PCDHA3: variants seen among roughly 807,000 people sequenced by gnomAD.
PCDHA3 encodes the protein protocadherin alpha 3.
A neutral mutation model predicts 62.2 loss-of-function variants in PCDHA3; 41 were observed. That is an observed-to-expected ratio of 0.66 (90% CI 0.51 to 0.86). PCDHA3 has a LOEUF of 0.86. Ranked by LOEUF, PCDHA3 falls within the 40% of genes least tolerant of loss-of-function variation. The probability of loss-of-function intolerance (pLI) is 0.00; values close to 1 mark genes in which losing one functional copy is unlikely to be tolerated. For synonymous variants in PCDHA3, 640 were observed against 555.4 expected (o/e 1.15, Z -2.14); for missense variants, 1,304 against 1,241.2 (o/e 1.05, Z -0.76).
chr5:140,869,677 C>T, intron 1 of PCDHA3: 1 of 1,613,420 alleles, frequency 6.2e-7, no homozygotes, highest in Non-Finnish European at 8.5e-7. Flanking sequence ...GATTAAAAGA[C>T]TGTCACTTAT....
At chr5:140,920,329 G>A (rs556077448) in intron 1 of PCDHA3, among the ~76,000 whole-genome samples, 8 of 152,080 alleles carry the variant, frequency 5.3e-5, no homozygotes, top group South Asian at 4.2e-4. Flanking sequence ...TATATTTATG[G>A]CATTTCTTAT....
chr5:140,865,755 A>C (rs1390578535), intron 1 of PCDHA3: 1 of 152,226 alleles, frequency 6.6e-6, no homozygotes, highest in Non-Finnish European at 1.5e-5. Flanking sequence ...GTGCCAGTAC[A>C]TGGTGGAGAT....
In PCDHA3 at chr5:140,834,331, T is replaced by C. The variant is rs2150215321; in HGVS notation, c.2394+30740T>C. ...TGAAATGAAGGGATAAAAACATTCC[T>C]ATAAATTCGAAGGCAAGTTTTGCTG... On this transcript the variant is annotated intron_variant, in intron 1 of 3. Coordinates refer to ENST00000522353, the MANE Select transcript of PCDHA3 (RefSeq NM_018906.3). 119 of 1,480,242 alleles carry C rather than the reference T, an allele frequency of 8.0e-5. No individual in the cohort carries two copies. In the African/African-American group the frequency reaches 9.8e-4, roughly 12 times the overall value. The allele number at this position is 1,480,242 out of a possible 1,614,324, so 91.7% of individuals were successfully genotyped here. A position where few individuals can be genotyped will look rare whatever the true frequency, so the allele number is the denominator to read the frequency against.
chr5:140,804,879 C>G, intron 1 of PCDHA3: 95 of 562,310 alleles, frequency 1.7e-4, no homozygotes, highest in East Asian at 2.8e-4. Context: ...TTTTTCTTGA[C>G]TCCTCTCCTT....
Position 140,802,380 on chromosome 5 carries a change from T to A in PCDHA3, c.1183T>A (p.Phe395Ile), listed in dbSNP as rs782625772. The A allele has an allele frequency of 5.4e-5, 87 of 1,614,132 alleles. No individual in the cohort carries two copies. The highest frequency in any genetic ancestry group is 6.4e-5 in the Non-Finnish European group (75 of 1,180,040). Residue 395 changes from phenylalanine (F) to isoleucine (I), a missense_variant, in exon 1 of 4, where the codon TTC becomes ATC. Phe to Ile is a conservative substitution (Grantham distance 21). Coordinates refer to ENST00000522353, the MANE Select transcript of PCDHA3 (RefSeq NM_018906.3). ...CTGCTCGCTGACGCCCCACGTCCCC[T>A]TCAAGCTGGTGTCCACCTTCAAGAA... ...VTCSLTPHVP[F>I]KLVSTFKNYY...
chr5:140,822,623 T>C, intron 1 of PCDHA3: 1 of 1,611,512 alleles, frequency 6.2e-7, no homozygotes, highest in Non-Finnish European at 8.5e-7. Flanking sequence ...TTTAGTAATC[T>C]TGTTCTTGAC....
At chr5:140,876,445 A>G in intron 1 of PCDHA3, 1 of 1,614,014 alleles carries the variant, frequency 6.2e-7, no homozygotes, top group Non-Finnish European at 8.5e-7. Context: ...CGCCATTGAT[A>G]AAGGGATTCC....
intron 1 of PCDHA3, chr5:140,821,684 A>C: frequency 7.4e-7 from 1 of 1,353,542 alleles, no homozygotes; most frequent in Non-Finnish European, 1.0e-6. Flanking sequence ...AAAGGCGATA[A>C]TATAAAAAAT....
rs782448077 is a variant in PCDHA3 at position 140,870,373 on chromosome 5, G to T, written c.2394+66782G>T. 68 of 1,614,118 alleles carry T rather than the reference G, an allele frequency of 4.2e-5. No individual in the cohort carries two copies. In the Admixed American group the frequency reaches 5.3e-4, roughly 13 times the overall value. On this transcript the variant is annotated intron_variant, in intron 1 of 3. Coordinates refer to ENST00000522353, the MANE Select transcript of PCDHA3 (RefSeq NM_018906.3). The stretch of plus-strand genomic sequence containing the variant: ...GAACGTGTGGGCCTATGAACTGGTG[G>T]TGACTGCGCGGGATGGGGGTTCGCC...
intron 1 of PCDHA3, chr5:140,848,571 G>A: frequency 6.3e-7 from 1 of 1,595,628 alleles, no homozygotes; most frequent in South Asian, 1.1e-5. Context: ...AATGTGGGTG[G>A]TGGGGAGCGG....
At chr5:140,822,968 C>T (rs2150120818) in intron 1 of PCDHA3, 1 of 1,614,232 alleles carries the variant, frequency 6.2e-7, no homozygotes, top group East Asian at 2.2e-5. Context: ...AAGCTGGTGT[C>T]CACCTTCAAG....
chr5:141,005,000 G>A (rs2098192261), intron 3 of PCDHA3, among the ~76,000 whole-genome samples: 1 of 152,176 alleles, frequency 6.6e-6, no homozygotes, highest in Non-Finnish European at 1.5e-5. Context: ...GGTCTCCTAA[G>A]CCCTGAGAGC....
At chr5:140,848,137 T>G in intron 1 of PCDHA3, 1 of 195,782 alleles carries the variant, frequency 5.1e-6, no homozygotes, top group Non-Finnish European at 1.1e-5. Context: ...ATACAAAACT[T>G]TTAGAGGCAG....
At chr5:140,886,830 A>G (rs2061165550) in intron 1 of PCDHA3, among the ~76,000 whole-genome samples, 1 of 150,424 alleles carries the variant, frequency 6.6e-6, no homozygotes, top group Non-Finnish European at 1.5e-5. Flanking sequence ...TCGTCTTGAA[A>G]AAAAAAAAAA....
At chr5:140,859,117 T>C (rs1441256234) in intron 1 of PCDHA3, 3 of 150,206 alleles carry the variant, frequency 2.0e-5, no homozygotes, top group Non-Finnish European at 4.5e-5. Context: ...AGAAAATGTA[T>C]GTTTCTTTTA....
chr5:140,861,449 C>A (rs1448075777), intron 1 of PCDHA3: 11 of 493,904 alleles, frequency 2.2e-5, no homozygotes, highest in Admixed American at 1.0e-4. Flanking sequence ...GCCGCAGAAA[C>A]CTTCTGGAGG....
At chr5:140,822,919 G>A (rs2150120383) in intron 1 of PCDHA3, 7 of 1,614,112 alleles carry the variant, frequency 4.3e-6, no homozygotes, top group Non-Finnish European at 5.9e-6. Flanking sequence ...AGGTGCCAAC[G>A]GGCAGGTGAC....
chr5:140,830,048 G>C lies in PCDHA3; in HGVS notation c.2394+26457G>C, dbSNP rs2150180232. 24 of 1,613,674 alleles carry C rather than the reference G, an allele frequency of 1.5e-5. No homozygotes were observed. The highest frequency in any genetic ancestry group is 1.6e-4 in the Middle Eastern group (1 of 6,080). ...CCACCGGCTGCTGGTGCTGGTGAAA[G>C]ACCACGGTGAGCCGGCGCTGACAGC... On this transcript the variant is annotated intron_variant, in intron 1 of 3. Coordinates refer to ENST00000522353, the MANE Select transcript of PCDHA3 (RefSeq NM_018906.3).
At chr5:140,822,546 G>T (rs1474928230) in intron 1 of PCDHA3, 1 of 1,613,608 alleles carries the variant, frequency 6.2e-7, no homozygotes, top group Non-Finnish European at 8.5e-7. Context: ...CACCAAGTGG[G>T]ACATTAGTTA....
Sources: allele counts gnomAD v4.1 joint callset (sites outside exome capture counted in the v4.1 genomes callset), GRCh38; gene constraint gnomAD v4.1.1; transcripts MANE v1.5; gene names NCBI Gene and HGNC (gene_info 2026-07-23, HGNC 2026-07-21).